The following ASIC2 variants were observed in gnomAD, a reference collection of about 807,000 sequenced individuals.
ASIC2 encodes acid sensing ion channel subunit 2, also known as acid-sensing ion channel 2.
In ASIC2, 25 loss-of-function variants were observed where a neutral mutation model predicts 57.3. The observed-to-expected ratio is 0.44, with a 90% CI of 0.32 to 0.61. The LOEUF (loss-of-function observed/expected upper bound fraction) is 0.61. Ranked by LOEUF, ASIC2 falls within the 20% of genes least tolerant of loss-of-function variation. ASIC2 has a pLI of 0.06. For synonymous variants in ASIC2, 319 were observed against 307.5 expected, an observed-to-expected ratio of 1.04 and a Z score of -0.39; for missense variants, 641 against 738.1, an observed-to-expected ratio of 0.87 and a Z score of 1.52.
intron 1 of ASIC2, among the ~76,000 whole-genome samples, chr17:33,159,499 G>C (rs1282459306): frequency 6.6e-6 from 1 of 152,108 alleles, no homozygotes; most frequent in Non-Finnish European, 1.5e-5. Flanking sequence ...GAAAACTGAG[G>C]CTCCGAGAAG....
intron 1 of ASIC2, among the ~76,000 whole-genome samples, chr17:33,450,276 A>G (rs1344445429): frequency 6.6e-6 from 1 of 152,340 alleles, no homozygotes; most frequent in East Asian, 1.9e-4. Flanking sequence ...AAATGGTAGT[A>G]TGCAGACACT....
chr17:33,481,026 A>G (rs1423730505), intron 1 of ASIC2, among the ~76,000 whole-genome samples: 3 of 152,102 alleles, frequency 2.0e-5, no homozygotes, highest in Non-Finnish European at 4.4e-5. Context: ...TCTGTCTTGG[A>G]CACCACTAGT....
chr17:33,252,051 T>C (rs149652050), intron 1 of ASIC2, among the ~76,000 whole-genome samples: 1 of 152,198 alleles, frequency 6.6e-6, no homozygotes, highest in East Asian at 1.9e-4. Flanking sequence ...AGAGATGGAG[T>C]GACTTGCCTA....
At chr17:34,085,449 A>T (rs1394769396) in intron 1 of ASIC2, among the ~76,000 whole-genome samples, 2 of 152,170 alleles carry the variant, frequency 1.3e-5, no homozygotes, top group Non-Finnish European at 2.9e-5. Context: ...CCAGTATTTT[A>T]TTGACGATTT....
chr17:34,078,683 TTC>T (rs1909762379), intron 1 of ASIC2, among the ~76,000 whole-genome samples: 1 of 152,062 alleles, frequency 6.6e-6, no homozygotes, highest in Non-Finnish European at 1.5e-5. Context: ...CCCCAGCACT[TTC>T]TGTGTTTCTC....
At chr17:33,414,559 G>A (rs1369408660) in intron 1 of ASIC2, among the ~76,000 whole-genome samples, 1 of 152,166 alleles carries the variant, frequency 6.6e-6, no homozygotes, top group Non-Finnish European at 1.5e-5. Flanking sequence ...AGGGGGTCAA[G>A]GCCTGCCTTG....
intron 1 of ASIC2, among the ~76,000 whole-genome samples, chr17:33,820,923 A>T (rs574609338): frequency 6.6e-6 from 1 of 152,198 alleles, no homozygotes; most frequent in African/African-American, 2.4e-5. Context: ...TAGTTCTATC[A>T]GCTACTGCTG....
chr17:33,346,303 G>A (rs1159022340), intron 1 of ASIC2, among the ~76,000 whole-genome samples: 2 of 147,730 alleles, frequency 1.4e-5, no homozygotes, highest in African/African-American at 4.9e-5. Flanking sequence ...ATTTTCCAAT[G>A]TATTTTGGAA....
chr17:34,018,187 C>G (rs937417027), intron 1 of ASIC2, among the ~76,000 whole-genome samples: 1 of 151,500 alleles, frequency 6.6e-6, no homozygotes, highest in Non-Finnish European at 1.5e-5. Flanking sequence ...AATCCTAGGG[C>G]CCTTAATAAT....
Position 33,088,785 on chromosome 17 carries a change from C to T in ASIC2, c.987+78G>A, listed in dbSNP as rs2092145809. 7 of 1,472,362 alleles carry T rather than the reference C, an allele frequency of 4.8e-6. No individual in the cohort carries two copies. In the Admixed American group the frequency reaches 8.0e-5, roughly 17 times the overall value. 91.2% of individuals were successfully genotyped at this position (1,472,362 alleles called of 1,614,324 possible). A position where few individuals can be genotyped will look rare whatever the true frequency, so the allele number is the denominator to read the frequency against. On this transcript the variant is annotated intron_variant, in intron 3 of 9. Coordinates refer to ENST00000225823, the MANE Select transcript of ASIC2 (RefSeq NM_183377.2). ...TAAAGCCCTTGACCGAGTGGGAATT[C>T]CATTTCTCCTCCTTGTGCCTCTGCA...
intron 1 of ASIC2, among the ~76,000 whole-genome samples, chr17:33,369,729 G>A (rs1567838424): frequency 6.6e-6 from 1 of 152,180 alleles, no homozygotes; most frequent in South Asian, 2.1e-4. Context: ...GGCAGAGCTG[G>A]CATTCCAACT....
intron 1 of ASIC2, among the ~76,000 whole-genome samples, chr17:33,464,547 TTTCTTTCTTTCTTTCTTTTCTCTC>T (rs1174932040): frequency 3.4e-5 from 4 of 117,566 alleles, no homozygotes; most frequent in African/African-American, 9.8e-5. Flanking sequence ...TTTCTCTTTC[TTTCTTTCTTTCTTTCTTTTCTCTC>T]TTTCTCTCTT....
At chr17:33,447,605 A>T (rs886183388) in intron 1 of ASIC2, among the ~76,000 whole-genome samples, 2 of 152,192 alleles carry the variant, frequency 1.3e-5, no homozygotes, top group African/African-American at 4.8e-5. Context: ...AGTCAGGCCT[A>T]GAACACTGGG....
intron 1 of ASIC2, among the ~76,000 whole-genome samples, chr17:34,053,426 G>A (rs1226487556): frequency 6.6e-6 from 1 of 152,132 alleles, no homozygotes; most frequent in Non-Finnish European, 1.5e-5. Flanking sequence ...GATAAATACA[G>A]CATTTTGAAA....
chr17:33,678,435 CCA>C (rs71144896), intron 1 of ASIC2, among the ~76,000 whole-genome samples: 23,567 of 138,970 alleles, frequency 0.17, 1,908 homozygotes, highest in South Asian at 0.19. Context: ...CTGGTTCAAT[CCA>C]CACACACACA....
Position 33,240,460 on chromosome 17 carries a change from G to A in ASIC2, c.708+50948C>T, listed in dbSNP as rs921373345. On this transcript the variant is annotated intron_variant, in intron 1 of 9. Coordinates refer to ENST00000225823, the MANE Select transcript of ASIC2 (RefSeq NM_183377.2). ...TAGAGAAAAGCTTCTCTAAGAAAGC[G>A]GCCTGCCAGAGAGATGGGAGATGCT... 2.0e-5 allele frequency among the ~76,000 whole-genome samples: 3 copies of A among 152,284 alleles called. No homozygotes were observed. In the East Asian group the frequency reaches 5.8e-4, roughly 29 times the overall value.
intron 1 of ASIC2, among the ~76,000 whole-genome samples, chr17:33,832,228 A>G (rs1913136069): frequency 1.3e-5 from 2 of 152,358 alleles, no homozygotes; most frequent in South Asian, 4.1e-4. Flanking sequence ...ATAGACTAGC[A>G]AAGTGGTATC....
intron 1 of ASIC2, among the ~76,000 whole-genome samples, chr17:33,306,741 C>A (rs1906193036): frequency 6.6e-6 from 1 of 152,162 alleles, no homozygotes; most frequent in Non-Finnish European, 1.5e-5. Context: ...CTCTCCAATC[C>A]ATTCCCCACT....
chr17:33,907,938 C>G (rs992277164), intron 1 of ASIC2, among the ~76,000 whole-genome samples: 1 of 152,164 alleles, frequency 6.6e-6, no homozygotes, highest in African/African-American at 2.4e-5. Context: ...TTCTTGCAAA[C>G]ATAAAAATAG....
Sources: gnomAD v4.1 joint callset for allele counts (sites outside exome capture counted in the v4.1 genomes callset) on GRCh38, gnomAD v4.1.1 for gene constraint, MANE v1.5 for transcripts, NCBI Gene and HGNC (gene_info 2026-07-23, HGNC 2026-07-21) for gene names.